The following ZNF618 variants were observed in gnomAD, a reference collection of about 807,000 sequenced individuals.
ZNF618 encodes the protein zinc finger protein 618.
Under a neutral mutation model 103.0 loss-of-function variants are expected in ZNF618, and 34 were observed. That is an observed-to-expected ratio of 0.33 (90% CI 0.25 to 0.44). The LOEUF is 0.44. Ranked by LOEUF, ZNF618 falls within the 20% of genes least tolerant of loss-of-function variation. The probability of loss-of-function intolerance (pLI) is 1.00; values close to 1 mark genes in which losing one functional copy is unlikely to be tolerated. For synonymous variants in ZNF618, 551 were observed against 542.2 expected (o/e 1.02, Z -0.23); for missense variants, 1,059 against 1,295.4 (o/e 0.82, Z 2.80).
intron 1 of ZNF618, among the ~76,000 whole-genome samples, chr9:113,880,020 G>A (rs1587909279): frequency 6.6e-6 from 1 of 152,084 alleles, no homozygotes; most frequent in Non-Finnish European, 1.5e-5. Context: ...TGTTTCACTT[G>A]AGAAACTGGG....
At chr9:113,976,920 G>A (rs555065616) in intron 2 of ZNF618, among the ~76,000 whole-genome samples, 47 of 152,304 alleles carry the variant, frequency 3.1e-4, no homozygotes, top group African/African-American at 9.9e-4. Flanking sequence ...TCCTTAGTGT[G>A]GACAGGGTAT....
Position 114,050,510 on chromosome 9 carries a change from C to T in ZNF618, c.*343C>T, listed in dbSNP as rs974196585. The stretch of plus-strand genomic sequence containing the variant: ...GCGTGTACATACGCCTGTGCTTGGA[C>T]GGGTGTGCATTGAACTGGGCGTGTC... On this transcript the variant is annotated 3_prime_UTR_variant, in exon 15 of 15. Coordinates refer to ENST00000374126, the MANE Select transcript of ZNF618 (RefSeq NM_001318042.2). 3 of 193,206 alleles carry T rather than the reference C, an allele frequency of 1.6e-5. No homozygotes were observed. Among genetic ancestry groups the T allele is most frequent in the East Asian group, 1.3e-4 (1 of 7,468 alleles). 12.0% of individuals were successfully genotyped at this position (193,206 alleles called of 1,614,324 possible).
At position 114,052,516 on chromosome 9, in the gene ZNF618, T is replaced by C. The variant is rs766031970; in HGVS notation, c.*2349T>C. ...TATGGGAAGAAACATCAGCAGACTT[T>C]ATGATGTCAGTTGGGCCTTTGGAGG... On this transcript the variant is annotated 3_prime_UTR_variant, in exon 15 of 15. Transcript: ENST00000374126. 2.6e-5 allele frequency: 4 copies of C among 152,264 alleles called. No individual in the cohort carries two copies. Among genetic ancestry groups the C allele is most frequent in the African/African-American group, 7.2e-5 (3 of 41,454 alleles). The allele number at this position is 152,264 out of a possible 1,614,324, so 9.4% of individuals were successfully genotyped here.
chr9:113,974,314 G>A (rs1838284681), intron 2 of ZNF618, among the ~76,000 whole-genome samples: 1 of 152,224 alleles, frequency 6.6e-6, no homozygotes, highest in Admixed American at 6.5e-5. Flanking sequence ...ATTCCAGGCA[G>A]AGAGAACAAC....
rs73658304 is a variant in ZNF618 at position 113,927,310 on chromosome 9, C to T, written c.34-41807C>T. 4.9e-3 allele frequency among the ~76,000 whole-genome samples: 743 copies of T among 152,288 alleles called. 5 individuals carry two copies. Among genetic ancestry groups the T allele is most frequent in the African/African-American group, 0.017 (719 of 41,550 alleles). On this transcript the variant is annotated intron_variant, in intron 1 of 14. Coordinates refer to ENST00000374126, the MANE Select transcript of ZNF618 (RefSeq NM_001318042.2). Reference sequence around the variant, plus strand: ...AGGCTGTGTTTACAATTTATTGTAGCTGTCAGTGTCAGAGGCTAAAATTTC... The same window carrying T: ...AGGCTGTGTTTACAATTTATTGTAGTTGTCAGTGTCAGAGGCTAAAATTTC...
chr9:114,036,190 C>G (rs1844582707), intron 12 of ZNF618, 110 bp from the exon 13 acceptor site: 1 of 990,856 alleles, frequency 1.0e-6, no homozygotes, highest in African/African-American at 1.6e-5. Context: ...GCCCTGAGCA[C>G]AGAGACCCGG....
At chr9:113,931,281 A>G (rs559838574) in intron 1 of ZNF618, among the ~76,000 whole-genome samples, 44 of 152,346 alleles carry the variant, frequency 2.9e-4, no homozygotes, top group African/African-American at 1.0e-3. Flanking sequence ...TGCCCTGAGC[A>G]CACTCGTGTC....
rs1391493128 is a variant in ZNF618, at chr9:114,050,460, A to ACG, written c.*294_*295insGC. 3.3e-6 allele frequency: 1 copy of ACG among 299,270 alleles called. No individual in the cohort carries two copies. Among genetic ancestry groups the ACG allele is most frequent in the Non-Finnish European group, 6.2e-6 (1 of 162,298 alleles). The allele number at this position is 299,270 out of a possible 1,614,324, so 18.5% of individuals were successfully genotyped here. Reference sequence around the variant, plus strand: ...CACACACGCACACACACACACACACACACACACACACACACGACCCTGGTG... The same window carrying ACG: ...CACACACGCACACACACACACACACACGCACACACACACACACGACCCTGGTG... On this transcript the variant is annotated 3_prime_UTR_variant, in exon 15 of 15. Transcript: ENST00000374126.
At chr9:113,907,459 G>A (rs1325688130) in intron 1 of ZNF618, among the ~76,000 whole-genome samples, 3 of 152,178 alleles carry the variant, frequency 2.0e-5, no homozygotes, top group African/African-American at 7.2e-5. Flanking sequence ...CCACTTGCTG[G>A]CCGTTCACTG....
At chr9:113,953,494 A>G (rs1835961858) in intron 1 of ZNF618, among the ~76,000 whole-genome samples, 1 of 152,226 alleles carries the variant, frequency 6.6e-6, no homozygotes, top group Non-Finnish European at 1.5e-5. Flanking sequence ...GGGATATTGT[A>G]TACGTGCATG....
intron 1 of ZNF618, among the ~76,000 whole-genome samples, chr9:113,884,806 G>C (rs865796727): frequency 2.0e-4 from 30 of 150,394 alleles, no homozygotes; most frequent in African/African-American, 5.9e-4. Context: ...GAGAGAGAGA[G>C]AGAGAGACAG....
chr9:114,039,369 CAG>C (rs1356602594), intron 13 of ZNF618, among the ~76,000 whole-genome samples: 5 of 132,936 alleles, frequency 3.8e-5, no homozygotes, highest in African/African-American at 8.5e-5. Flanking sequence ...TCCTTTGAGA[CAG>C]AGTCTCGATC....
At chr9:113,944,645 A>T (rs756068670) in intron 1 of ZNF618, among the ~76,000 whole-genome samples, 1 of 152,260 alleles carries the variant, frequency 6.6e-6, no homozygotes, top group Non-Finnish European at 1.5e-5. Flanking sequence ...CCGCATGTGT[A>T]ACTTGAAATT....
In ZNF618 at chr9:114,014,547, C is replaced by G. The variant is rs895636394; in HGVS notation, c.755-2148C>G. 2.6e-5 allele frequency among the ~76,000 whole-genome samples: 4 copies of G among 152,212 alleles called. No individual in the cohort carries two copies. The East Asian group carries it at 7.7e-4, about 29-fold the overall frequency. ...TTTTGCTTAGCATTTTGTGCCAGCA[C>G]TTAGCACAGTACCTGTTTAATGAAT... On this transcript the variant is annotated intron_variant, in intron 9 of 14. Transcript: ENST00000374126.
Position 114,055,834 on chromosome 9 carries a change from A to G in ZNF618, c.*5667A>G, listed in dbSNP as rs1846450111. 6.6e-6 allele frequency: 1 copy of G among 152,464 alleles called. No individual in the cohort carries two copies. The highest frequency in any genetic ancestry group is 2.4e-5 in the African/African-American group (1 of 41,396). 9.4% of individuals were successfully genotyped at this position (152,464 alleles called of 1,614,324 possible). A position where few individuals can be genotyped will look rare whatever the true frequency, so the allele number is the denominator to read the frequency against. On this transcript the variant is annotated 3_prime_UTR_variant, in exon 15 of 15. Transcript: ENST00000374126. ...TAATCCTTATAAGTTTTATGTGTTTAATATTTCTTAATACCGGTAGCATTA... is the reference window on the plus strand; with the variant it reads ...TAATCCTTATAAGTTTTATGTGTTTGATATTTCTTAATACCGGTAGCATTA...
At position 113,951,519 on chromosome 9, in the gene ZNF618, A is replaced by ATG. The variant is rs1564207782; in HGVS notation, c.34-17596_34-17595dup. Among the ~76,000 whole-genome samples the ATG allele has an allele frequency of 8.0e-5, 5 of 62,592 alleles. 1 individual carries two copies. Among genetic ancestry groups the ATG allele is most frequent in the African/African-American group, 1.1e-4 (2 of 18,132 alleles). 41.1% of individuals were successfully genotyped at this position (62,592 alleles called of 152,430 possible). A position where few individuals can be genotyped will look rare whatever the true frequency, so the allele number is the denominator to read the frequency against. ...TATGTGTACACATATATGTGTGTAT[A>ATG]TGTACACATATGTGTGTACATATGT... is the stretch of plus-strand genomic sequence containing the variant. On this transcript the variant is annotated intron_variant, in intron 1 of 14. Transcript: ENST00000374126.
intron 1 of ZNF618, among the ~76,000 whole-genome samples, chr9:113,887,242 T>A (rs1285764512): frequency 1.3e-5 from 2 of 152,080 alleles, no homozygotes; most frequent in Admixed American, 1.3e-4. Flanking sequence ...AGTAGGTGGT[T>A]GAAATGGAGG....
In ZNF618 at chr9:114,049,118, T is replaced by G; in HGVS notation, c.1816T>G (p.Phe606Val). 6.2e-7 allele frequency: 1 copy of G among 1,613,760 alleles called. No individual in the cohort carries two copies. Among genetic ancestry groups the G allele is most frequent in the Non-Finnish European group, 8.5e-7 (1 of 1,179,870 alleles). ...CTGGGTGCAGAACGTGCTGTCGGAG[T>G]TCGTGATGTCGGAGATCAGGACAGT... ...HHWVQNVLSE[F>V]VMSEIRTVYV... The change falls in exon 15 of 15, where the codon TTC becomes GTC. Residue 606 changes from phenylalanine to valine, a missense_variant. By Grantham distance (50) the Phe-to-Val change is conservative. This residue lies in a region of ZNF618 where 272 missense variants were observed against 380.1 expected (regional missense o/e 0.72). Transcript: ENST00000374126.
intron 13 of ZNF618, among the ~76,000 whole-genome samples, chr9:114,044,783 G>GTT (rs200002023): frequency 2.0e-5 from 3 of 151,426 alleles, no homozygotes; most frequent in Admixed American, 1.3e-4. Flanking sequence ...TTCCTAAGTT[G>GTT]TTTTTTTTGT....
Sources: gnomAD v4.1 joint callset for allele counts (sites outside exome capture counted in the v4.1 genomes callset) on GRCh38, gnomAD v4.1.1 for gene constraint, gnomAD v4.1.1 regional missense constraint, MANE v1.5 for transcripts, NCBI Gene and HGNC (gene_info 2026-07-23, HGNC 2026-07-21) for gene names.